MGRN1: variants seen among roughly 807,000 people sequenced by gnomAD.
MGRN1 encodes the protein mahogunin ring finger 1.
Under a neutral mutation model 69.2 loss-of-function variants are expected in MGRN1, and 29 were observed. The observed-to-expected ratio is 0.42, with a 90% CI of 0.31 to 0.57. MGRN1 has a LOEUF of 0.57. Among genes scored for constraint, MGRN1 ranks in the 20% least tolerant of loss-of-function variants. The pLI is 0.15. For synonymous variants in MGRN1, 470 were observed against 344.2 expected, an observed-to-expected ratio of 1.37 and a Z score of -4.04; for missense variants, 998 against 796.2, an observed-to-expected ratio of 1.25 and a Z score of -3.05.
chr16:4,682,507 G>A (rs540417142), intron 13 of MGRN1, among the ~76,000 whole-genome samples: 61 of 152,336 alleles, frequency 4.0e-4, no homozygotes, highest in African/African-American at 1.4e-3. Flanking sequence ...GAGAAACGGG[G>A]GCCTCTGTCT....
At chr16:4,682,520 T>G (rs1447801678) in intron 13 of MGRN1, among the ~76,000 whole-genome samples, 2 of 152,218 alleles carry the variant, frequency 1.3e-5, no homozygotes. Context: ...CTCTGTCTCC[T>G]GCTGCTTCTC....
At chr16:4,679,954 G>T (rs1422526553) in intron 11 of MGRN1, 78 bp from the exon 12 acceptor site, 5 of 1,365,574 alleles carry the variant, frequency 3.7e-6, no homozygotes, top group Non-Finnish European at 5.1e-6. Context: ...CAAGAGGACA[G>T]CCAGTCAGAC....
At chr16:4,655,237 C>T (rs534888401) in intron 4 of MGRN1, among the ~76,000 whole-genome samples, 3 of 152,236 alleles carry the variant, frequency 2.0e-5, no homozygotes, top group East Asian at 1.9e-4. Context: ...CTATCCGCTG[C>T]CCCCCAGTGC....
At chr16:4,641,424 C>G (rs1462703286) in intron 1 of MGRN1, among the ~76,000 whole-genome samples, 1 of 146,566 alleles carries the variant, frequency 6.8e-6, no homozygotes, top group Non-Finnish European at 1.6e-5. Context: ...TCATAGCTCA[C>G]TGCAACCTCA....
At chr16:4,656,056 C>T (rs1449982576) in intron 4 of MGRN1, among the ~76,000 whole-genome samples, 1 of 152,318 alleles carries the variant, frequency 6.6e-6, no homozygotes, top group East Asian at 1.9e-4. Flanking sequence ...CATTTCTGAG[C>T]TTGGTGTGCC....
intron 1 of MGRN1, among the ~76,000 whole-genome samples, chr16:4,632,006 CCTTT>C (rs1898029018): frequency 1.9e-5 from 2 of 104,960 alleles, no homozygotes; most frequent in African/African-American, 9.0e-5. Flanking sequence ...TAAAAAATTT[CCTTT>C]TTTTTTTTTT....
intron 13 of MGRN1, 28 bp from the exon 14 acceptor site, chr16:4,682,795 C>T (rs369025669): frequency 1.1e-5 from 16 of 1,515,070 alleles, no homozygotes; most frequent in Admixed American, 2.1e-5. Flanking sequence ...ATCCTCTCAC[C>T]CCTGCCCACC....
At chr16:4,628,079 C>CAAA (rs747646208) in intron 1 of MGRN1, among the ~76,000 whole-genome samples, 16 of 58,010 alleles carry the variant, frequency 2.8e-4, no homozygotes, top group African/African-American at 7.8e-4. Flanking sequence ...GACTCCGTCT[C>CAAA]AAAAAAAAAA....
chr16:4,631,436 C>A (rs1048981962), intron 1 of MGRN1, among the ~76,000 whole-genome samples: 2 of 152,224 alleles, frequency 1.3e-5, no homozygotes, highest in Non-Finnish European at 2.9e-5. Context: ...TCAACTGGGG[C>A]ATTTTTGCCC....
At chr16:4,664,840 G>T in intron 6 of MGRN1, 65 bp downstream of exon 6, 1 of 1,581,082 alleles carries the variant, frequency 6.3e-7, no homozygotes, top group Non-Finnish European at 8.7e-7. Flanking sequence ...ACGTCTTGAG[G>T]GAGGAGTGCT....
At chr16:4,671,237 T>C in intron 8 of MGRN1, 154 bp from the exon 9 acceptor site, 1 of 668,586 alleles carries the variant, frequency 1.5e-6, no homozygotes, top group East Asian at 2.7e-5. Context: ...GCAGCAGGTT[T>C]TCCCTGCCCT....
chr16:4,641,026 G>A (rs541570565), intron 1 of MGRN1, among the ~76,000 whole-genome samples: 1 of 152,332 alleles, frequency 6.6e-6, no homozygotes, highest in African/African-American at 2.4e-5. Flanking sequence ...AGAGCCTGGT[G>A]GGTGTGGTTC....
intron 1 of MGRN1, among the ~76,000 whole-genome samples, chr16:4,626,141 G>A (rs1191309872): frequency 6.6e-6 from 1 of 152,234 alleles, no homozygotes. Flanking sequence ...GGTTTTGTAA[G>A]GTGTGACTAG....
At chr16:4,687,300 G>A (rs1161499297) in intron 16 of MGRN1, 12 of 984,694 alleles carry the variant, frequency 1.2e-5, no homozygotes, top group Admixed American at 6.2e-5. Flanking sequence ...CTATAAGCCC[G>A]GTACTTTGGG....
chr16:4,639,030 G>T (rs946116001), intron 1 of MGRN1, among the ~76,000 whole-genome samples: 1 of 152,190 alleles, frequency 6.6e-6, no homozygotes, highest in Non-Finnish European at 1.5e-5. Context: ...TCTCTCACTG[G>T]TTGTGTGACC....
chr16:4,677,419 G>T (rs2079077480), intron 10 of MGRN1, 44 bp from the exon 11 acceptor site: 1 of 1,463,804 alleles, frequency 6.8e-7, no homozygotes. Flanking sequence ...CCTCGGGGCT[G>T]GGTGTGTCGC....
intron 1 of MGRN1, among the ~76,000 whole-genome samples, chr16:4,626,729 C>A (rs4332748): frequency 1.3e-5 from 2 of 152,092 alleles, no homozygotes; most frequent in Non-Finnish European, 1.5e-5. Flanking sequence ...ATTTACAGCC[C>A]GCTTCGGGAT....
intron 4 of MGRN1, among the ~76,000 whole-genome samples, chr16:4,653,315 A>G (rs913657787): frequency 3.3e-5 from 5 of 152,106 alleles, no homozygotes; most frequent in Non-Finnish European, 7.4e-5. Flanking sequence ...GGTGGGGCGC[A>G]CCACCTTCCT....
intron 10 of MGRN1, among the ~76,000 whole-genome samples, chr16:4,675,365 A>G (rs1314528106): frequency 5.9e-5 from 9 of 152,006 alleles, no homozygotes; most frequent in African/African-American, 2.2e-4. Context: ...CGTGCCTCCT[A>G]AAGTGTTGGG....
Sources: gnomAD v4.1 joint callset for allele counts (sites outside exome capture counted in the v4.1 genomes callset) on GRCh38, gnomAD v4.1.1 for gene constraint, MANE v1.5 for transcripts, NCBI Gene and HGNC (gene_info 2026-07-23, HGNC 2026-07-21) for gene names.